The following KIF13B variants were observed in gnomAD, a reference collection of about 807,000 sequenced individuals.
KIF13B encodes kinesin family member 13B.
KIF13B carries 127 observed loss-of-function variants against 222.0 expected under a neutral mutation model. The ratio of observed to expected loss-of-function variants is 0.57; its 90% CI spans 0.50 to 0.66. The LOEUF is 0.66. Among genes scored for constraint, KIF13B ranks in the 30% least tolerant of loss-of-function variants. The probability of loss-of-function intolerance (pLI) is 0.00; values close to 1 mark genes in which losing one functional copy is unlikely to be tolerated. For synonymous variants in KIF13B, 976 were observed against 919.0 expected (o/e 1.06, Z -1.12); for missense variants, 2,173 against 2,379.0 (o/e 0.91, Z 1.80).
At position 29,237,963 on chromosome 8, in the gene KIF13B, A is replaced by C. The variant is rs536695205; in HGVS notation, c.149+7383T>G. 7.5e-4 allele frequency among the ~76,000 whole-genome samples: 114 copies of C among 152,348 alleles called. 1 individual carries two copies. The highest frequency in any genetic ancestry group is 3.4e-3 in the Middle Eastern group (1 of 294). On this transcript the variant is annotated intron_variant, in intron 2 of 39. Coordinates refer to ENST00000524189, the MANE Select transcript of KIF13B (RefSeq NM_015254.4). ...CCCACTGTACTCTAATAAAATTAGC[A>C]GGACGGGCTCCCTGAGGAAGAGCCC...
chr8:29,097,809 A>G (rs186855722), intron 36 of KIF13B, among the ~76,000 whole-genome samples: 1 of 152,322 alleles, frequency 6.6e-6, no homozygotes, highest in Admixed American at 6.5e-5. Flanking sequence ...TTCAAAACAG[A>G]TAATACAAAT....
At chr8:29,172,587 T>C (rs1249679915) in intron 10 of KIF13B, among the ~76,000 whole-genome samples, 1 of 152,262 alleles carries the variant, frequency 6.6e-6, no homozygotes, top group Admixed American at 6.5e-5. Flanking sequence ...ACTGGTAATA[T>C]GAAGTGAGTA....
At chr8:29,172,546 G>A (rs1038178173) in intron 10 of KIF13B, among the ~76,000 whole-genome samples, 10 of 152,218 alleles carry the variant, frequency 6.6e-5, no homozygotes, top group Non-Finnish European at 1.3e-4. Flanking sequence ...CAAGTACTAT[G>A]AACAGTTTTT....
intron 3 of KIF13B, among the ~76,000 whole-genome samples, chr8:29,192,550 T>G (rs28477621): frequency 0.13 from 20,084 of 152,192 alleles, 1,479 homozygotes; most frequent in South Asian, 0.15. Flanking sequence ...ATGCCCAGTC[T>G]AAATTTGTTT....
intron 10 of KIF13B, 125 bp from the exon 11 acceptor site, chr8:29,167,710 G>C (rs562763737): frequency 2.7e-6 from 2 of 739,104 alleles, no homozygotes; most frequent in South Asian, 1.7e-5. Context: ...ACAGAGCCAG[G>C]GCTAAAATGC....
chr8:29,124,151 C>CAATGT lies in KIF13B; in HGVS notation c.3253-33_3253-29dup, dbSNP rs1259726159. On this transcript the variant is annotated intron_variant, in intron 26 of 39. Transcript: ENST00000524189. Reference sequence around the variant, plus strand: ...GGAAGCAAGCAAGGAAAATCATATTCAATGTAATGTCAAGATAATCTATCT... The same window carrying CAATGT: ...GGAAGCAAGCAAGGAAAATCATATTCAATGTAATGTAATGTCAAGATAATCTATCT... The CAATGT allele has an allele frequency of 3.1e-6, 4 of 1,302,214 alleles. No homozygotes were observed. In the East Asian group the frequency reaches 9.2e-5, roughly 30 times the overall value. The allele number at this position is 1,302,214 out of a possible 1,614,324, so 80.7% of individuals were successfully genotyped here.
chr8:29,085,352 C>T (rs906426460), intron 37 of KIF13B, among the ~76,000 whole-genome samples: 1 of 152,198 alleles, frequency 6.6e-6, no homozygotes, highest in Non-Finnish European at 1.5e-5. Context: ...TGATAATAAT[C>T]ATTCCTTCAC....
At position 29,070,405 on chromosome 8, in the gene KIF13B, G is replaced by T; in HGVS notation, c.*99C>A. Reference sequence around the variant, plus strand: ...AAAAAGCATTCATCGCCCTGCCCCTGGGGAAGGGGCCACCGGGCTCCTGGC... The same window carrying T: ...AAAAAGCATTCATCGCCCTGCCCCTTGGGAAGGGGCCACCGGGCTCCTGGC... On this transcript the variant is annotated 3_prime_UTR_variant, in exon 40 of 40. Coordinates refer to ENST00000524189, the MANE Select transcript of KIF13B (RefSeq NM_015254.4). The surrounding 1 kb of genome is among the most constrained non-coding windows in gnomAD (Gnocchi z 4.1). 2 of 1,362,528 alleles carry T rather than the reference G, an allele frequency of 1.5e-6. No homozygotes were observed. Among genetic ancestry groups the T allele is most frequent in the Non-Finnish European group, 1.0e-6 (1 of 987,572 alleles). The allele number at this position is 1,362,528 out of a possible 1,614,324, so 84.4% of individuals were successfully genotyped here.
chr8:29,109,951 T>C lies in KIF13B; in HGVS notation c.4050A>G (p.Val1350=). The C allele has an allele frequency of 6.2e-7, 1 of 1,613,610 alleles. No homozygotes were observed. The highest frequency in any genetic ancestry group is 8.5e-7 in the Non-Finnish European group (1 of 1,179,766). The change falls in exon 33 of 40, where the codon GTA becomes GTG. Residue 1350 remains valine (V), a synonymous_variant. Transcript: ENST00000524189. Reference sequence around the variant, plus strand: ...GACGATCTAAAGTCAGGAGGTTTTCTACAGCCAGCACGCTCCTGAGGTACT... The same window carrying C: ...GACGATCTAAAGTCAGGAGGTTTTCCACAGCCAGCACGCTCCTGAGGTACT... The part of the protein sequence containing the change: ...IEKYLRSVLA[V]ENLLTLDRLR...
At chr8:29,210,973 GA>G (rs1421431162) in intron 2 of KIF13B, among the ~76,000 whole-genome samples, 1 of 152,208 alleles carries the variant, frequency 6.6e-6, no homozygotes, top group Non-Finnish European at 1.5e-5. Context: ...GGAGGCACCT[GA>G]CCCAGAGGGA....
rs112964770 is a variant in KIF13B at position 29,214,002 on chromosome 8, C to T, written c.150-17803G>A. ...AAATACAAAAGGTACAGTAAAAATA[C>T]GATACAAAAGATTTTAAAAATGGTA... On this transcript the variant is annotated intron_variant, in intron 2 of 39. Coordinates refer to ENST00000524189, the MANE Select transcript of KIF13B (RefSeq NM_015254.4). Among the ~76,000 whole-genome samples the T allele has an allele frequency of 4.5e-3, 682 of 152,038 alleles. 4 individuals carry two copies. The highest frequency in any genetic ancestry group is 0.016 in the African/African-American group (644 of 41,454).
chr8:29,134,926 G>A (rs1288297491), intron 21 of KIF13B, among the ~76,000 whole-genome samples: 3 of 152,152 alleles, frequency 2.0e-5, no homozygotes, highest in East Asian at 3.9e-4. Context: ...GGCAGGGTGC[G>A]GTTGTAACAA....
intron 13 of KIF13B, among the ~76,000 whole-genome samples, 172 bp from the exon 14 acceptor site, chr8:29,156,028 G>A (rs1028562321): frequency 1.3e-5 from 2 of 152,020 alleles, no homozygotes; most frequent in Non-Finnish European, 2.9e-5. Context: ...GAAGGCAATG[G>A]TGCAATCTCA....
intron 2 of KIF13B, among the ~76,000 whole-genome samples, chr8:29,205,551 C>T (rs1472524752): frequency 2.6e-5 from 4 of 152,138 alleles, no homozygotes; most frequent in Admixed American, 2.0e-4. Flanking sequence ...CCATCACAAT[C>T]GTGTCAGGGC....
intron 16 of KIF13B, among the ~76,000 whole-genome samples, chr8:29,148,075 C>G (rs1360062371): frequency 6.6e-6 from 1 of 152,220 alleles, no homozygotes; most frequent in Non-Finnish European, 1.5e-5. Context: ...GTGTGCACGC[C>G]TGTCATCCCA....
At chr8:29,090,673 A>C (rs1726932019) in intron 37 of KIF13B, among the ~76,000 whole-genome samples, 1 of 152,116 alleles carries the variant, frequency 6.6e-6, no homozygotes, top group Non-Finnish European at 1.5e-5. Flanking sequence ...ATCTTCATCA[A>C]GACCAGTTTT....
At chr8:29,177,607 AACAGGAAC>A in intron 8 of KIF13B, 29 bp from the exon 9 acceptor site, 1 of 1,444,824 alleles carries the variant, frequency 6.9e-7, no homozygotes, top group Non-Finnish European at 9.7e-7. Flanking sequence ...AATACTAATC[AACAGGAAC>A]ACAGGGCCAG....
intron 1 of KIF13B, among the ~76,000 whole-genome samples, 195 bp downstream of exon 1, chr8:29,262,784 CA>C (rs1479639957): frequency 1.4e-5 from 2 of 146,824 alleles, no homozygotes; most frequent in African/African-American, 2.5e-5. Context: ...CGGGGCTGGC[CA>C]GGGGGGAAGG....
chr8:29,110,442 A>C, intron 32 of KIF13B: 1 of 242,282 alleles, frequency 4.1e-6, no homozygotes, highest in Non-Finnish European at 8.1e-6. Flanking sequence ...AGGGACAGAG[A>C]AAGGGAAGAG....
Sources: allele counts gnomAD v4.1 joint callset (sites outside exome capture counted in the v4.1 genomes callset), GRCh38; gene constraint gnomAD v4.1.1; non-coding constraint Gnocchi (gnomAD v3.1); transcripts MANE v1.5; gene names NCBI Gene and HGNC (gene_info 2026-07-23, HGNC 2026-07-21).